Variants in MAF observed in about 807,000 individuals in gnomAD.
MAF encodes MAF bZIP transcription factor, also known as transcription factor Maf.
Under a neutral mutation model 22.0 loss-of-function variants are expected in MAF, and 10 were observed. The ratio of observed to expected loss-of-function variants is 0.45; its 90% CI spans 0.28 to 0.77. The LOEUF (loss-of-function observed/expected upper bound fraction) is 0.77, where lower values mean the gene tolerates loss of function less well. Ranked by LOEUF, MAF falls within the 30% of genes least tolerant of loss-of-function variation. MAF has a pLI of 0.12. For synonymous variants in MAF, 337 were observed against 255.8 expected (o/e 1.32, Z -3.03); for missense variants, 544 against 548.4 (o/e 0.99, Z 0.08).
At chr16:79,268,232 C>T in the MAF span, among the ~76,000 whole-genome samples, 1 of 152,148 alleles carries the variant, frequency 6.6e-6, no homozygotes. Flanking sequence ...CCCACAAACA[C>T]CGGAATTGTG....
the MAF span, among the ~76,000 whole-genome samples, chr16:79,512,900 AG>A: frequency 6.6e-6 from 1 of 152,204 alleles, no homozygotes; most frequent in Non-Finnish European, 1.5e-5. Flanking sequence ...ATACCTGTAT[AG>A]GCACACGCAT....
the MAF span, among the ~76,000 whole-genome samples, chr16:79,408,078 CA>C: frequency 2.3e-3 from 190 of 81,578 alleles, 1 homozygote; most frequent in African/African-American, 6.9e-3. Context: ...TTTTACCTTT[CA>C]AAAAAAAAAA....
chr16:79,481,407 T>G, the MAF span, among the ~76,000 whole-genome samples: 1 of 152,130 alleles, frequency 6.6e-6, no homozygotes, highest in Non-Finnish European at 1.5e-5. Context: ...ACATACCCCA[T>G]GAATAGTGAT....
chr16:79,372,233 T>A, the MAF span, among the ~76,000 whole-genome samples: 1 of 152,082 alleles, frequency 6.6e-6, no homozygotes, highest in African/African-American at 2.4e-5. Flanking sequence ...AGCACACTAT[T>A]CCTTGAGCAG....
chr16:79,295,019 A>G, the MAF span, among the ~76,000 whole-genome samples: 2 of 152,088 alleles, frequency 1.3e-5, no homozygotes, highest in African/African-American at 4.8e-5. Flanking sequence ...AGGTTACAAG[A>G]AAAAGGTTGT....
the MAF span, among the ~76,000 whole-genome samples, chr16:79,391,326 T>A: frequency 3.9e-5 from 6 of 152,324 alleles, no homozygotes; most frequent in South Asian, 1.0e-3. Context: ...TTTAATATTT[T>A]ATTATACTAG....
the MAF span, among the ~76,000 whole-genome samples, chr16:79,428,294 A>T: frequency 6.6e-6 from 1 of 152,038 alleles, no homozygotes; most frequent in Admixed American, 6.6e-5. Context: ...CATCCCAGGC[A>T]AGGGCCCAGC....
At chr16:79,289,771 C>G in the MAF span, among the ~76,000 whole-genome samples, 3 of 151,872 alleles carry the variant, frequency 2.0e-5, no homozygotes, top group Non-Finnish European at 4.4e-5. Flanking sequence ...AGGGATGCAT[C>G]CAAGTGCTCA....
the MAF span, among the ~76,000 whole-genome samples, chr16:79,233,789 T>G: frequency 1.3e-5 from 2 of 151,972 alleles, no homozygotes; most frequent in Non-Finnish European, 2.9e-5. Flanking sequence ...GTCAGGAGTT[T>G]GAGACCAGCC....
At chr16:79,207,163 C>T in the MAF span, among the ~76,000 whole-genome samples, 2 of 152,208 alleles carry the variant, frequency 1.3e-5, no homozygotes, top group Admixed American at 1.3e-4. Context: ...ATCTCCACCG[C>T]AGCAGCTCTC....
At chr16:79,521,036 A>G in the MAF span, among the ~76,000 whole-genome samples, 1 of 152,210 alleles carries the variant, frequency 6.6e-6, no homozygotes, top group Non-Finnish European at 1.5e-5. Flanking sequence ...CTATATTAGA[A>G]TTTCTTTTCC....
At chr16:79,557,231 C>T in the MAF span, among the ~76,000 whole-genome samples, 12 of 151,958 alleles carry the variant, frequency 7.9e-5, no homozygotes, top group South Asian at 2.3e-3. Flanking sequence ...TGGGGGAGAG[C>T]TAAGAAAGAC....
the MAF span, among the ~76,000 whole-genome samples, chr16:79,235,364 G>C: frequency 6.6e-6 from 1 of 151,722 alleles, no homozygotes; most frequent in African/African-American, 2.4e-5. Flanking sequence ...GCAAGCCTGG[G>C]GAACATATCA....
intron 1 of MAF, among the ~76,000 whole-genome samples, chr16:79,587,226 T>A (rs1597833820): frequency 6.6e-6 from 1 of 152,208 alleles, no homozygotes; most frequent in Non-Finnish European, 1.5e-5. Flanking sequence ...GCTTTTCAAA[T>A]CTTAAGGTAG....
At chr16:79,433,182 G>T in the MAF span, among the ~76,000 whole-genome samples, 5 of 151,390 alleles carry the variant, frequency 3.3e-5, no homozygotes, top group Non-Finnish European at 7.4e-5. Flanking sequence ...ATTGCCAAAG[G>T]GTGACTGTCA....
the MAF span, among the ~76,000 whole-genome samples, chr16:79,558,215 G>A: frequency 1.3e-5 from 2 of 152,192 alleles, no homozygotes; most frequent in African/African-American, 2.4e-5. Context: ...GAAAGAGTGT[G>A]AAAGAGAAAT....
chr16:79,389,475 T>G, the MAF span, among the ~76,000 whole-genome samples: 3 of 152,128 alleles, frequency 2.0e-5, no homozygotes, highest in Non-Finnish European at 4.4e-5. Context: ...TTCACCAGGC[T>G]GGTCTTGAAC....
chr16:79,525,429 C>A, the MAF span, among the ~76,000 whole-genome samples: 1 of 152,172 alleles, frequency 6.6e-6, no homozygotes, highest in East Asian at 1.9e-4. Flanking sequence ...CAAACAAAGA[C>A]ATAGTATGTT....
chr16:79,344,989 G>T, the MAF span, among the ~76,000 whole-genome samples: 6 of 152,258 alleles, frequency 3.9e-5, no homozygotes, highest in African/African-American at 9.6e-5. Flanking sequence ...TGACCTCAGG[G>T]CAAGTTACTT....
Sources: allele counts gnomAD v4.1 joint callset (sites outside exome capture counted in the v4.1 genomes callset), GRCh38; gene constraint gnomAD v4.1.1; transcripts MANE v1.5; gene names NCBI Gene and HGNC (gene_info 2026-07-23, HGNC 2026-07-21).